Variants in PEX5L observed in about 807,000 individuals in gnomAD.
PEX5L encodes peroxisomal biogenesis factor 5 like.
Under a neutral mutation model 84.0 loss-of-function variants are expected in PEX5L, and 30 were observed. That is an observed-to-expected ratio of 0.36 (90% CI 0.27 to 0.48). PEX5L has a LOEUF of 0.48. Ranked by LOEUF, PEX5L falls within the 20% of genes least tolerant of loss-of-function variation. The pLI is 0.99. For synonymous variants in PEX5L, 270 were observed against 283.1 expected (o/e 0.95, Z 0.46); for missense variants, 533 against 754.6 (o/e 0.71, Z 3.44).
chr3:179,821,285 C>G (rs1434163376), intron 8 of PEX5L, among the ~76,000 whole-genome samples: 1 of 152,156 alleles, frequency 6.6e-6, no homozygotes, highest in African/African-American at 2.4e-5. Context: ...ACACCTGAAT[C>G]TGGGACTGAA....
chr3:179,977,362 G>A (rs1309744333), intron 1 of PEX5L, among the ~76,000 whole-genome samples: 1 of 152,118 alleles, frequency 6.6e-6, no homozygotes, highest in Non-Finnish European at 1.5e-5. Context: ...TTTTACTTGC[G>A]ACCCTTGCAG....
At chr3:179,903,201 C>A (rs539471623) in intron 2 of PEX5L, among the ~76,000 whole-genome samples, 25 of 151,970 alleles carry the variant, frequency 1.6e-4, no homozygotes, top group Non-Finnish European at 3.2e-4. Flanking sequence ...TAAACAAACT[C>A]CTGCCATCTA....
At chr3:179,872,944 C>A (rs1256718046) in intron 7 of PEX5L, among the ~76,000 whole-genome samples, 2 of 152,176 alleles carry the variant, frequency 1.3e-5, no homozygotes, top group Non-Finnish European at 2.9e-5. Context: ...ATTTACAATT[C>A]TTTGAGGTTT....
At chr3:179,878,014 A>ACACAG (rs1205876441) in intron 5 of PEX5L, among the ~76,000 whole-genome samples, 1 of 152,166 alleles carries the variant, frequency 6.6e-6, no homozygotes, top group Non-Finnish European at 1.5e-5. Flanking sequence ...ATCCATTCAC[A>ACACAG]CACAGGCTTC....
intron 3 of PEX5L, 128 bp downstream of exon 3, chr3:179,898,014 G>A (rs1414458120): frequency 2.0e-6 from 1 of 507,650 alleles, no homozygotes; most frequent in African/African-American, 2.0e-5. Context: ...TTGTATAATT[G>A]TTTCATTGAA....
intron 5 of PEX5L, among the ~76,000 whole-genome samples, chr3:179,876,858 G>C (rs1752595655): frequency 1.3e-5 from 2 of 152,066 alleles, no homozygotes; most frequent in Non-Finnish European, 2.9e-5. Context: ...AAAATGCTTG[G>C]GACCAGGAGT....
At chr3:179,959,439 G>C (rs943599851) in intron 2 of PEX5L, among the ~76,000 whole-genome samples, 1 of 152,156 alleles carries the variant, frequency 6.6e-6, no homozygotes, top group Non-Finnish European at 1.5e-5. Context: ...GCTTCTTAAA[G>C]GCCGTGACTA....
intron 8 of PEX5L, among the ~76,000 whole-genome samples, chr3:179,843,098 C>T (rs1384346231): frequency 1.3e-5 from 2 of 151,792 alleles, no homozygotes; most frequent in East Asian, 3.9e-4. Flanking sequence ...AATAGGTTAC[C>T]TAGGAAAGTT....
chr3:179,983,086 C>CA (rs1328534367), intron 1 of PEX5L, among the ~76,000 whole-genome samples: 1 of 151,758 alleles, frequency 6.6e-6, no homozygotes, highest in East Asian at 1.9e-4. Flanking sequence ...GATGCTATTA[C>CA]AAAAAAGTTG....
intron 2 of PEX5L, among the ~76,000 whole-genome samples, chr3:179,910,446 T>C (rs1764762878): frequency 6.6e-6 from 1 of 152,244 alleles, no homozygotes; most frequent in African/African-American, 2.4e-5. Flanking sequence ...TATTAAATTA[T>C]ATACACTTAG....
chr3:179,868,147 T>G (rs1749044170), intron 7 of PEX5L, among the ~76,000 whole-genome samples: 1 of 151,054 alleles, frequency 6.6e-6, no homozygotes, highest in African/African-American at 2.4e-5. Context: ...CCCAAAGTGC[T>G]AGGATTACAG....
Position 179,822,103 on chromosome 3 carries a change from T to C in PEX5L, c.823-2127A>G, listed in dbSNP as rs138144695. 4.4e-4 allele frequency among the ~76,000 whole-genome samples: 67 copies of C among 152,358 alleles called. 1 individual carries two copies. In the East Asian group the frequency reaches 0.012, roughly 26 times the overall value. ...GCTTTTCAAAGATGCAGGTTTAACC[T>C]GTCTGCAGTAGAAGGAAAGACAAAT... On this transcript the variant is annotated intron_variant, in intron 8 of 14. Coordinates refer to ENST00000467460, the MANE Select transcript of PEX5L (RefSeq NM_016559.3).
chr3:179,981,750 T>C (rs933294594), intron 1 of PEX5L, among the ~76,000 whole-genome samples: 2 of 152,128 alleles, frequency 1.3e-5, no homozygotes, highest in African/African-American at 2.4e-5. Context: ...GAAGGATGCA[T>C]ATTTTTCCAT....
Position 179,966,679 on chromosome 3 carries a change from T to C in PEX5L, c.93+4915A>G, listed in dbSNP as rs140398362. Among the ~76,000 whole-genome samples the C allele has an allele frequency of 2.4e-3, 359 of 152,326 alleles. 1 individual carries two copies. The highest frequency in any genetic ancestry group is 3.6e-3 in the Admixed American group (55 of 15,288). On this transcript the variant is annotated intron_variant, in intron 2 of 14. Coordinates refer to ENST00000467460, the MANE Select transcript of PEX5L (RefSeq NM_016559.3). ...GAGGATCCATTTTCACAACAACCAC[T>C]AGGACAGAATTGCAATCCAACTTGA...
chr3:179,993,373 G>C (rs1459762790), intron 1 of PEX5L, among the ~76,000 whole-genome samples: 1 of 152,032 alleles, frequency 6.6e-6, no homozygotes, highest in Non-Finnish European at 1.5e-5. Context: ...ATTGTCCCTT[G>C]GTATCCATGG....
At chr3:179,907,239 T>G (rs1763553862) in intron 2 of PEX5L, among the ~76,000 whole-genome samples, 1 of 152,168 alleles carries the variant, frequency 6.6e-6, no homozygotes, top group African/African-American at 2.4e-5. Flanking sequence ...AGGAAGAATT[T>G]CATCCTCCTA....
rs1560635806 is a variant in PEX5L, at chr3:179,905,891, TAAACGCTCAAG to T, written c.94-7656_94-7646del. The stretch of plus-strand genomic sequence containing the variant: ...TTTGGTATAGTCCTCTATGGGCACA[TAAACGCTCAAG>T]TGCACTCAATAAATATATGTACTGG... On this transcript the variant is annotated intron_variant, in intron 2 of 14. Transcript: ENST00000467460. Among the ~76,000 whole-genome samples, 3 of 152,330 alleles carry T rather than the reference TAAACGCTCAAG, an allele frequency of 2.0e-5. No individual in the cohort carries two copies. In the East Asian group the frequency reaches 5.8e-4, roughly 29 times the overall value.
intron 1 of PEX5L, among the ~76,000 whole-genome samples, chr3:179,993,403 C>T (rs1426361427): frequency 6.6e-6 from 1 of 152,140 alleles, no homozygotes; most frequent in Non-Finnish European, 1.5e-5. Context: ...TCCAGGACTC[C>T]TCATAGATAC....
At chr3:179,999,683 G>C (rs910104270) in intron 1 of PEX5L, among the ~76,000 whole-genome samples, 25 of 152,168 alleles carry the variant, frequency 1.6e-4, no homozygotes, top group African/African-American at 6.0e-4. Context: ...CTTCTGCCAA[G>C]ACTACCATCC....
Sources: gnomAD v4.1 joint callset for allele counts (sites outside exome capture counted in the v4.1 genomes callset) on GRCh38, gnomAD v4.1.1 for gene constraint, MANE v1.5 for transcripts, NCBI Gene and HGNC (gene_info 2026-07-23, HGNC 2026-07-21) for gene names.